EYA1: variants seen among roughly 807,000 people sequenced by gnomAD.
EYA1 encodes protein phosphatase EYA1.
EYA1 carries 16 observed loss-of-function variants against 82.0 expected under a neutral mutation model. The observed-to-expected ratio is 0.20, with a 90% CI of 0.13 to 0.30. The LOEUF (loss-of-function observed/expected upper bound fraction) is 0.30, where lower values mean the gene tolerates loss of function less well. EYA1 is among the 10% of genes least tolerant of loss of function. The pLI, the probability that EYA1 is intolerant of heterozygous loss-of-function variation, is 1.00. For synonymous variants in EYA1, 261 were observed against 264.4 expected (o/e 0.99, Z 0.12); for missense variants, 633 against 730.7 (o/e 0.87, Z 1.54).
At chr8:71,372,398 G>T (rs1828133860) in intron 2 of EYA1, among the ~76,000 whole-genome samples, 1 of 152,042 alleles carries the variant, frequency 6.6e-6, no homozygotes, top group South Asian at 2.1e-4. Context: ...TTTCAGACAA[G>T]TAAATTATCA....
Position 71,201,484 on chromosome 8 carries a change from G to A in EYA1, c.1699-2064C>T, listed in dbSNP as rs547137632. On this transcript the variant is annotated intron_variant, in intron 17 of 17. Transcript: ENST00000340726. ...CTCTGTGGGCTAAGAGACACCAGAA[G>A]ATTCATAGACCTGGGTTAGAAAAAC... Among the ~76,000 whole-genome samples the A allele has an allele frequency of 9.2e-5, 14 of 152,204 alleles. No individual in the cohort carries two copies. The South Asian group carries it at 2.9e-3, about 32-fold the overall frequency.
chr8:71,419,984 T>C (rs1237818274), intron 2 of EYA1, among the ~76,000 whole-genome samples: 2 of 152,160 alleles, frequency 1.3e-5, no homozygotes, highest in African/African-American at 2.4e-5. Flanking sequence ...CTTCTTCCCA[T>C]TAAGGCTTGC....
chr8:71,362,419 G>A (rs767693298), upstream of EYA1, among the ~76,000 whole-genome samples: 5 of 151,982 alleles, frequency 3.3e-5, no homozygotes, highest in African/African-American at 1.2e-4. Flanking sequence ...AGATCTTTGG[G>A]GAGTAGTTAC....
chr8:71,375,535 C>G (rs1828323629), intron 2 of EYA1, among the ~76,000 whole-genome samples: 1 of 152,132 alleles, frequency 6.6e-6, no homozygotes, highest in African/African-American at 2.4e-5. Context: ...CAATAAAGAA[C>G]AGCATAACAA....
chr8:71,448,025 T>TTTTTTTTTTTTTTTGGGTAACGGAG (rs935912194), intron 2 of EYA1, among the ~76,000 whole-genome samples: 1 of 116,736 alleles, frequency 8.6e-6, no homozygotes, highest in Non-Finnish European at 1.7e-5. Context: ...TTTTTTTTTT[T>TTTTTTTTTTTTTTTGGGTAACGGAG]TCTCGCTCCG....
chr8:71,317,325 G>T (rs1169277290), intron 7 of EYA1, among the ~76,000 whole-genome samples: 2 of 152,228 alleles, frequency 1.3e-5, no homozygotes, highest in East Asian at 1.9e-4. Flanking sequence ...GTGCTTTTTG[G>T]AAAGAATGTT....
chr8:71,222,792 C>T (rs912261260), intron 12 of EYA1, among the ~76,000 whole-genome samples: 2 of 152,166 alleles, frequency 1.3e-5, no homozygotes, highest in Non-Finnish European at 2.9e-5. Flanking sequence ...CTCAACTCGC[C>T]GTTTCTTCCC....
chr8:71,541,112 A>G (rs1815102879), intron 1 of EYA1, among the ~76,000 whole-genome samples: 1 of 152,192 alleles, frequency 6.6e-6, no homozygotes, highest in Non-Finnish European at 1.5e-5. Flanking sequence ...ATTTGGTTAT[A>G]TCAAAGAAAC....
At chr8:71,272,678 T>C (rs971450719) in intron 9 of EYA1, among the ~76,000 whole-genome samples, 4 of 152,224 alleles carry the variant, frequency 2.6e-5, no homozygotes, top group Non-Finnish European at 5.9e-5. Flanking sequence ...AAGATGCTTA[T>C]CTTGTGTTCA....
upstream of EYA1, among the ~76,000 whole-genome samples, chr8:71,365,154 G>T (rs2129083618): frequency 6.6e-6 from 1 of 151,492 alleles, no homozygotes; most frequent in Admixed American, 6.6e-5. Context: ...TGAGTTAACA[G>T]TTGATTAATC....
At chr8:71,323,015 T>G (rs1162194433) in intron 4 of EYA1, among the ~76,000 whole-genome samples, 1 of 152,204 alleles carries the variant, frequency 6.6e-6, no homozygotes, top group African/African-American at 2.4e-5. Flanking sequence ...GATTAAATAA[T>G]GCACTGAAGT....
At chr8:71,338,846 C>G (rs1399540569) in intron 3 of EYA1, among the ~76,000 whole-genome samples, 4 of 152,308 alleles carry the variant, frequency 2.6e-5, no homozygotes, top group African/African-American at 9.6e-5. Context: ...TCCCCAGCAG[C>G]ACCTAAGCTC....
chr8:71,423,960 C>T (rs966005503), intron 2 of EYA1, among the ~76,000 whole-genome samples: 45 of 152,276 alleles, frequency 3.0e-4, no homozygotes, highest in African/African-American at 1.0e-3. Flanking sequence ...TTTGTTAATG[C>T]TTCTATTTAT....
chr8:71,316,775 C>A (rs544160689), intron 7 of EYA1, among the ~76,000 whole-genome samples: 1 of 152,120 alleles, frequency 6.6e-6, no homozygotes, highest in African/African-American at 2.4e-5. Flanking sequence ...AAATATGATT[C>A]GTTGAACTGA....
intron 2 of EYA1, among the ~76,000 whole-genome samples, chr8:71,440,153 G>A (rs1331555183): frequency 1.3e-5 from 2 of 152,110 alleles, no homozygotes; most frequent in Non-Finnish European, 2.9e-5. Flanking sequence ...GAGGTGTGAC[G>A]CAACACAATT....
At chr8:71,545,464 C>A (rs1254823310) in intron 1 of EYA1, among the ~76,000 whole-genome samples, 2 of 151,458 alleles carry the variant, frequency 1.3e-5, no homozygotes, top group Non-Finnish European at 2.9e-5. Flanking sequence ...TATTATAACA[C>A]CTCTCTCTCT....
chr8:71,405,954 A>G (rs1563579739), intron 2 of EYA1, among the ~76,000 whole-genome samples: 2 of 152,208 alleles, frequency 1.3e-5, no homozygotes, highest in Admixed American at 6.5e-5. Context: ...TGCAGGAAAT[A>G]TAGATGACAG....
intron 2 of EYA1, among the ~76,000 whole-genome samples, chr8:71,527,446 G>C (rs1414355787): frequency 6.6e-6 from 1 of 152,160 alleles, no homozygotes; most frequent in African/African-American, 2.4e-5. Flanking sequence ...AGAAAATGAG[G>C]CCCAGAGAGA....
intron 12 of EYA1, among the ~76,000 whole-genome samples, chr8:71,223,511 C>A (rs1810192959): frequency 6.6e-6 from 1 of 152,226 alleles, no homozygotes; most frequent in Admixed American, 6.5e-5. Flanking sequence ...TTATAAAATG[C>A]TCACATGGGT....
Sources: gnomAD v4.1 joint callset for allele counts (sites outside exome capture counted in the v4.1 genomes callset) on GRCh38, gnomAD v4.1.1 for gene constraint, MANE v1.5 for transcripts, NCBI Gene and HGNC (gene_info 2026-07-23, HGNC 2026-07-21) for gene names.